Variants in PPP3CA observed in about 807,000 individuals in gnomAD.
The protein encoded by PPP3CA is protein phosphatase 3 catalytic subunit alpha, also known as CAM-PRP catalytic subunit.
In PPP3CA, 14 loss-of-function variants were observed where a neutral mutation model predicts 66.5. That is an observed-to-expected ratio of 0.21 (90% CI 0.14 to 0.33). PPP3CA has a LOEUF of 0.33. Among genes scored for constraint, PPP3CA ranks in the 10% least tolerant of loss-of-function variants. The pLI is 1.00. For missense variants in PPP3CA, 317 were observed against 639.5 expected (o/e 0.50, Z 5.44); for synonymous variants, 232 against 226.2 (o/e 1.03, Z -0.23).
chr4:101,346,674 C>G (rs1319050698), intron 1 of PPP3CA, 65 bp downstream of exon 1: 22 of 1,422,874 alleles, frequency 1.5e-5, no homozygotes, highest in Admixed American at 5.7e-5. Flanking sequence ...AAAGGCGAGG[C>G]GAGGCAAGCT....
At chr4:101,285,365 C>T (rs992505635) in intron 1 of PPP3CA, among the ~76,000 whole-genome samples, 1 of 152,090 alleles carries the variant, frequency 6.6e-6, no homozygotes, top group African/African-American at 2.4e-5. Context: ...ACTTTCCCTG[C>T]TAAATAGATT....
chr4:101,347,498 C>T lies in PPP3CA; in HGVS notation c.-702G>A, dbSNP rs545578591. On this transcript the variant is annotated 5_prime_UTR_variant, in exon 1 of 14. Transcript: ENST00000394854. Reference sequence around the variant, plus strand: ...CACTCACCAAGGCACAGCCGCCGAGCTCGGCAGACACAGTCCCGGGCACAA... The same window carrying T: ...CACTCACCAAGGCACAGCCGCCGAGTTCGGCAGACACAGTCCCGGGCACAA... 6.0e-4 allele frequency: 98 copies of T among 162,302 alleles called. No individual in the cohort carries two copies. The highest frequency in any genetic ancestry group is 2.1e-3 in the African/African-American group (86 of 41,424). The allele number at this position is 162,302 out of a possible 1,614,324, so 10.1% of individuals were successfully genotyped here.
chr4:101,127,172 T>A lies in PPP3CA; in HGVS notation c.260-18094A>T, dbSNP rs572808215. ...TGTCAAAATATCAGCTTTTGTTAGA[T>A]CTTCCACCTCACCCCCAACTCCATT... On this transcript the variant is annotated intron_variant, in intron 2 of 13. Transcript: ENST00000394854. Among the ~76,000 whole-genome samples, 333 of 152,076 alleles carry A rather than the reference T, an allele frequency of 2.2e-3. 2 individuals are homozygous for A. The highest frequency in any genetic ancestry group is 7.8e-3 in the African/African-American group (323 of 41,482).
chr4:101,124,967 C>T (rs1353527840), intron 2 of PPP3CA, among the ~76,000 whole-genome samples: 4 of 152,158 alleles, frequency 2.6e-5, no homozygotes, highest in Non-Finnish European at 5.9e-5. Context: ...TTTTCATCTA[C>T]AGATGTAAAA....
chr4:101,278,140 T>TAAAAAAAAAAAAAAAAAAAAAAAAAA (rs1394423187), intron 1 of PPP3CA, among the ~76,000 whole-genome samples: 1 of 118,734 alleles, frequency 8.4e-6, no homozygotes, highest in Non-Finnish European at 1.8e-5. Context: ...AAAAAAAAAA[T>TAAAAAAAAAAAAAAAAAAAAAAAAAA]AAAAAAATTA....
At chr4:101,163,829 T>G (rs150390353) in intron 2 of PPP3CA, among the ~76,000 whole-genome samples, 2 of 151,944 alleles carry the variant, frequency 1.3e-5, no homozygotes, top group African/African-American at 4.8e-5. Flanking sequence ...GAGTCCTACA[T>G]TTGGTTTGGT....
intron 8 of PPP3CA, among the ~76,000 whole-genome samples, chr4:101,072,269 TTATTGAA>T (rs1728949159): frequency 6.6e-6 from 1 of 152,250 alleles, no homozygotes; most frequent in African/African-American, 2.4e-5. Context: ...CTTTCTTTTC[TTATTGAA>T]GAATGGTTAG....
rs560237827 is a variant in PPP3CA at position 101,043,718 on chromosome 4, C to CA, written c.1157-3153dup. On this transcript the variant is annotated intron_variant, in intron 10 of 13. Coordinates refer to ENST00000394854, the MANE Select transcript of PPP3CA (RefSeq NM_000944.5). ...TGAAACCCCGTCTCTACTAAAAATACAAAAAAATTAGCTGGGTGTGGTGGC... is the reference window on the plus strand; with the variant it reads ...TGAAACCCCGTCTCTACTAAAAATACAAAAAAAATTAGCTGGGTGTGGTGGC... 7.2e-5 allele frequency among the ~76,000 whole-genome samples: 11 copies of CA among 152,002 alleles called. No individual in the cohort carries two copies. In the East Asian group the frequency reaches 1.7e-3, roughly 24 times the overall value.
intron 2 of PPP3CA, among the ~76,000 whole-genome samples, chr4:101,132,557 T>C (rs889459912): frequency 3.9e-5 from 6 of 152,128 alleles, no homozygotes; most frequent in Admixed American, 2.6e-4. Context: ...CAGGAAGAAG[T>C]TGAATCCCTG....
chr4:101,169,522 G>C (rs184389141), intron 2 of PPP3CA, among the ~76,000 whole-genome samples: 1 of 152,234 alleles, frequency 6.6e-6, no homozygotes, highest in Non-Finnish European at 1.5e-5. Flanking sequence ...TCCTAAAGCT[G>C]AAAAGCAATC....
intron 1 of PPP3CA, among the ~76,000 whole-genome samples, chr4:101,213,822 G>A (rs945634003): frequency 1.3e-5 from 2 of 152,024 alleles, no homozygotes; most frequent in African/African-American, 4.8e-5. Flanking sequence ...ACTAAAGCTC[G>A]CTATATTAAT....
At chr4:101,236,467 T>C (rs1050072670) in intron 1 of PPP3CA, among the ~76,000 whole-genome samples, 8 of 151,820 alleles carry the variant, frequency 5.3e-5, no homozygotes, top group African/African-American at 1.5e-4. Context: ...AGAATATATA[T>C]TGAAGTACAA....
intron 1 of PPP3CA, among the ~76,000 whole-genome samples, chr4:101,234,732 C>A (rs561813357): frequency 6.6e-6 from 1 of 151,854 alleles, no homozygotes; most frequent in South Asian, 2.1e-4. Flanking sequence ...TGAGTTAAGG[C>A]AGTTCGCAGT....
intron 8 of PPP3CA, among the ~76,000 whole-genome samples, chr4:101,066,113 TAGAA>T (rs1560585040): frequency 1.3e-5 from 2 of 152,140 alleles, no homozygotes; most frequent in Non-Finnish European, 2.9e-5. Flanking sequence ...CAGTCACACT[TAGAA>T]AGAGGTAAAT....
chr4:101,338,334 G>A lies in PPP3CA; in HGVS notation c.58+8405C>T, dbSNP rs1305336019. ...GGAAAACACACTTCTACAAAGACTG[G>A]AGCTTACAAGTCAAGACTCATCAGA... is the stretch of plus-strand genomic sequence containing the variant. On this transcript the variant is annotated intron_variant, in intron 1 of 13. Transcript: ENST00000394854. Among the ~76,000 whole-genome samples the A allele has an allele frequency of 2.0e-5, 3 of 152,134 alleles. 1 individual carries two copies. The highest frequency in any genetic ancestry group is 7.2e-5 in the African/African-American group (3 of 41,412).
intron 7 of PPP3CA, among the ~76,000 whole-genome samples, 157 bp downstream of exon 7, chr4:101,083,029 T>C (rs1401791297): frequency 6.6e-6 from 1 of 152,182 alleles, no homozygotes; most frequent in African/African-American, 2.4e-5. Flanking sequence ...TCCCTAGGAC[T>C]CTGTCATACC....
intron 2 of PPP3CA, among the ~76,000 whole-genome samples, chr4:101,181,085 G>A (rs1211616489): frequency 2.6e-5 from 4 of 151,762 alleles, no homozygotes; most frequent in African/African-American, 9.7e-5. Context: ...TAGAATAAGT[G>A]TTGCTTTGAT....
At chr4:101,166,878 C>T (rs1224622693) in intron 2 of PPP3CA, among the ~76,000 whole-genome samples, 3 of 152,158 alleles carry the variant, frequency 2.0e-5, no homozygotes, top group Non-Finnish European at 4.4e-5. Context: ...GATTTATTTA[C>T]TTTGTTGATA....
At chr4:101,197,408 T>C (rs982231513) in intron 1 of PPP3CA, among the ~76,000 whole-genome samples, 17 of 152,230 alleles carry the variant, frequency 1.1e-4, no homozygotes, top group Admixed American at 5.9e-4. Context: ...TCTATTTCAC[T>C]ATGCTGTCAT....
Sources: gnomAD v4.1 joint callset for allele counts (sites outside exome capture counted in the v4.1 genomes callset) on GRCh38, gnomAD v4.1.1 for gene constraint, MANE v1.5 for transcripts, NCBI Gene and HGNC (gene_info 2026-07-23, HGNC 2026-07-21) for gene names.